The following CD58 variants were observed in gnomAD, a reference collection of about 807,000 sequenced individuals.
The protein encoded by CD58 is CD58 molecule, also known as lymphocyte function-associated antigen 3.
Under a neutral mutation model 27.6 loss-of-function variants are expected in CD58, and 14 were observed. That is an observed-to-expected ratio of 0.51 (90% CI 0.34 to 0.79). The LOEUF (loss-of-function observed/expected upper bound fraction) is 0.79. Among genes scored for constraint, CD58 ranks in the 30% least tolerant of loss-of-function variants. The probability of loss-of-function intolerance (pLI) is 0.02; values close to 1 mark genes in which losing one functional copy is unlikely to be tolerated. For missense variants in CD58, 268 were observed against 301.7 expected, an observed-to-expected ratio of 0.89 and a Z score of 0.83; for synonymous variants, 117 against 103.8, an observed-to-expected ratio of 1.13 and a Z score of -0.77.
At chr1:116,551,738 CT>C (rs1298283594) in intron 1 of CD58, among the ~76,000 whole-genome samples, 253 of 129,714 alleles carry the variant, frequency 2.0e-3, no homozygotes, top group Middle Eastern at 0.016. Context: ...TTCTTTCTTT[CT>C]TTTTTTTTTT....
intron 1 of CD58, among the ~76,000 whole-genome samples, chr1:116,551,651 T>C (rs904767397): frequency 2.6e-5 from 4 of 152,194 alleles, no homozygotes; most frequent in Non-Finnish European, 5.9e-5. Context: ...CTTCAAGAAC[T>C]TTTCCTTTGA....
chr1:116,556,115 C>T (rs915477438), intron 1 of CD58, among the ~76,000 whole-genome samples: 1 of 151,844 alleles, frequency 6.6e-6, no homozygotes, highest in African/African-American at 2.4e-5. Context: ...ATTAGCTGGG[C>T]GTGGTGGCAC....
intron 2 of CD58, among the ~76,000 whole-genome samples, chr1:116,542,271 C>A (rs189011396): frequency 6.6e-6 from 1 of 152,232 alleles, no homozygotes; most frequent in Non-Finnish European, 1.5e-5. Flanking sequence ...AGGGCGAAAC[C>A]CCCTCTCAAG....
intron 2 of CD58, among the ~76,000 whole-genome samples, chr1:116,540,183 C>A (rs1428386301): frequency 1.3e-5 from 2 of 152,088 alleles, no homozygotes; most frequent in African/African-American, 4.8e-5. Context: ...TCTCAATGTA[C>A]ACACAGAAGG....
intron 3 of CD58, among the ~76,000 whole-genome samples, chr1:116,535,357 CAAACAACTTA>C (rs1657759487): frequency 1.3e-5 from 2 of 152,176 alleles, no homozygotes; most frequent in African/African-American, 4.8e-5. Flanking sequence ...TTACCTTGAG[CAAACAACTTA>C]AACTCTCTCT....
chr1:116,570,955 G>A lies in CD58; in HGVS notation c.18C>T (p.Asp6=). 6.4e-7 allele frequency: 1 copy of A among 1,562,540 alleles called. No homozygotes were observed. The highest frequency in any genetic ancestry group is 8.6e-7 in the Non-Finnish European group (1 of 1,160,854). MVAGS[D]AGRALGVLSV... Reference sequence around the variant, plus strand: ...TGAGGACCCCCAGGGCCCGCCCCGCGTCGCTCCCAGCAACCATGGCTCGTC... The same window carrying A: ...TGAGGACCCCCAGGGCCCGCCCCGCATCGCTCCCAGCAACCATGGCTCGTC... The change falls in exon 1 of 6, where the codon GAC becomes GAT. Residue 6 remains aspartate, a synonymous_variant. Transcript: ENST00000369489. This position sits in a 1 kb window ranked among gnomAD's most constrained non-coding sequence, Gnocchi z 6.4.
chr1:116,519,327 A>T lies in CD58; in HGVS notation c.707-60T>A. 1 of 1,504,610 alleles carries T rather than the reference A, an allele frequency of 6.6e-7. No homozygotes were observed. Among genetic ancestry groups the T allele is most frequent in the Non-Finnish European group, 9.2e-7 (1 of 1,092,026 alleles). 93.2% of individuals were successfully genotyped at this position (1,504,610 alleles called of 1,614,324 possible). On this transcript the variant is annotated intron_variant, in intron 4 of 5. Transcript: ENST00000369489. The surrounding 1 kb of genome is among the most constrained non-coding windows in gnomAD (Gnocchi z 4.7). Reference sequence around the variant, plus strand: ...ACTGAAAAGAAAAGGTGAAATGTGGAGTTACTGACTGCCTATTAGAGGCCT... The same window carrying T: ...ACTGAAAAGAAAAGGTGAAATGTGGTGTTACTGACTGCCTATTAGAGGCCT...
At chr1:116,525,949 C>G (rs1457996403) in intron 3 of CD58, among the ~76,000 whole-genome samples, 1 of 152,192 alleles carries the variant, frequency 6.6e-6, no homozygotes, top group South Asian at 2.1e-4. Flanking sequence ...CCGCACCCGG[C>G]CCAGGAGTAT....
intron 1 of CD58, among the ~76,000 whole-genome samples, chr1:116,554,085 A>C (rs1658482266): frequency 6.6e-6 from 1 of 152,250 alleles, no homozygotes; most frequent in African/African-American, 2.4e-5. Context: ...ATGCTCTAAA[A>C]GAACCTGTAG....
chr1:116,515,947 T>C lies in CD58; in HGVS notation c.744-1125A>G, dbSNP rs555738491. Reference sequence around the variant, plus strand: ...CTTCCTGCTCCTGCCCTCGCGCAGCTGGGGAAATATTGCATTTGTTCCTAC... The same window carrying C: ...CTTCCTGCTCCTGCCCTCGCGCAGCCGGGGAAATATTGCATTTGTTCCTAC... On this transcript the variant is annotated intron_variant, in intron 5 of 5. Transcript: ENST00000369489. This position sits in a 1 kb window ranked among gnomAD's most constrained non-coding sequence, Gnocchi z 4.6. Among the ~76,000 whole-genome samples the C allele has an allele frequency of 5.3e-5, 8 of 152,294 alleles. No individual in the cohort carries two copies. The South Asian group carries it at 1.7e-3, about 32-fold the overall frequency.
chr1:116,519,039 A>C lies in CD58; in HGVS notation c.743+192T>G. ...GAGGGTTCCAGGAAACGATATGCAG[A>C]GAGTGGCTAGTGCAGTGCATGGCAC... On this transcript the variant is annotated intron_variant, in intron 5 of 5. Coordinates refer to ENST00000369489, the MANE Select transcript of CD58 (RefSeq NM_001779.3). This position sits in a 1 kb window ranked among gnomAD's most constrained non-coding sequence, Gnocchi z 4.7. 1 of 1,257,168 alleles carries C rather than the reference A, an allele frequency of 8.0e-7. No individual in the cohort carries two copies. The allele number at this position is 1,257,168 out of a possible 1,614,324, so 77.9% of individuals were successfully genotyped here. A position where few individuals can be genotyped will look rare whatever the true frequency, so the allele number is the denominator to read the frequency against.
In CD58 at chr1:116,557,847, T is replaced by C. The variant is rs1205916801; in HGVS notation, c.70+13056A>G. Reference sequence around the variant, plus strand: ...TGCCACCACGCCCAGCTAATTTTTATATTTTTTGTAGAAACAAGGTCTCAC... The same window carrying C: ...TGCCACCACGCCCAGCTAATTTTTACATTTTTTGTAGAAACAAGGTCTCAC... On this transcript the variant is annotated intron_variant, in intron 1 of 5. Transcript: ENST00000369489. This position sits in a 1 kb window ranked among gnomAD's most constrained non-coding sequence, Gnocchi z 5.2. Among the ~76,000 whole-genome samples the C allele has an allele frequency of 6.6e-6, 1 of 151,940 alleles. No individual in the cohort carries two copies. The highest frequency in any genetic ancestry group is 1.5e-5 in the Non-Finnish European group (1 of 67,988).
chr1:116,565,592 G>A (rs988896502), intron 1 of CD58, among the ~76,000 whole-genome samples: 6 of 151,470 alleles, frequency 4.0e-5, no homozygotes, highest in African/African-American at 1.5e-4. Flanking sequence ...GATAGGGAAT[G>A]ATTTTCCAGA....
chr1:116,528,916 C>T lies in CD58; in HGVS notation c.629-6933G>A, dbSNP rs1657508351. Among the ~76,000 whole-genome samples the T allele has an allele frequency of 6.6e-6, 1 of 152,200 alleles. No individual in the cohort carries two copies. On this transcript the variant is annotated intron_variant, in intron 3 of 5. Coordinates refer to ENST00000369489, the MANE Select transcript of CD58 (RefSeq NM_001779.3). This position sits in a 1 kb window ranked among gnomAD's most constrained non-coding sequence, Gnocchi z 4.4. ...AAATCCACAACCTCTTCTACATTGT[C>T]CTCCTTAAACCATTGGCTGTATATA...
chr1:116,568,392 A>G (rs79975602), intron 1 of CD58, among the ~76,000 whole-genome samples: 5,090 of 152,308 alleles, frequency 0.033, 270 homozygotes, highest in African/African-American at 0.12. Flanking sequence ...TGTTCACTGT[A>G]CTAATTTTGC....
rs1167382429 is a variant in CD58, at chr1:116,570,029, A to AACGG, written c.70+870_70+873dup. On this transcript the variant is annotated intron_variant, in intron 1 of 5. Coordinates refer to ENST00000369489, the MANE Select transcript of CD58 (RefSeq NM_001779.3). This position sits in a 1 kb window ranked among gnomAD's most constrained non-coding sequence, Gnocchi z 6.4. ...CCGGGCAGGCAGCGGACGCTGAGCAAACGGACGGACGGGCTGGAGGGCTGG... is the reference window on the plus strand; with the variant it reads ...CCGGGCAGGCAGCGGACGCTGAGCAAACGGACGGACGGACGGGCTGGAGGGCTGG... Among the ~76,000 whole-genome samples, 1 of 152,202 alleles carries AACGG rather than the reference A, an allele frequency of 6.6e-6. No individual in the cohort carries two copies. Among genetic ancestry groups the AACGG allele is most frequent in the Non-Finnish European group, 1.5e-5 (1 of 68,028 alleles).
chr1:116,535,219 A>G (rs779550226), intron 3 of CD58, among the ~76,000 whole-genome samples: 7 of 152,240 alleles, frequency 4.6e-5, no homozygotes, highest in African/African-American at 7.2e-5. Flanking sequence ...CCTGTAGTAG[A>G]TATGTAACCT....
Position 116,515,750 on chromosome 1 carries a change from T to C in CD58, c.744-928A>G, listed in dbSNP as rs943707836. The stretch of plus-strand genomic sequence containing the variant: ...AGAAATAGGACTCCCTGCTTCCTTT[T>C]TAATTTGGCTAACTTTGTGATCTGT... On this transcript the variant is annotated intron_variant, in intron 5 of 5. Transcript: ENST00000369489. The surrounding 1 kb of genome is among the most constrained non-coding windows in gnomAD (Gnocchi z 4.6). Among the ~76,000 whole-genome samples, 2 of 152,166 alleles carry C rather than the reference T, an allele frequency of 1.3e-5. No individual in the cohort carries two copies. Among genetic ancestry groups the C allele is most frequent in the African/African-American group, 4.8e-5 (2 of 41,420 alleles).
At chr1:116,530,644 C>T (rs2101167304) in intron 3 of CD58, among the ~76,000 whole-genome samples, 1 of 152,130 alleles carries the variant, frequency 6.6e-6, no homozygotes, top group African/African-American at 2.4e-5. Flanking sequence ...GTTTGCTTCA[C>T]TGATAAAGCA....
Sources: allele counts gnomAD v4.1 joint callset (sites outside exome capture counted in the v4.1 genomes callset), GRCh38; gene constraint gnomAD v4.1.1; non-coding constraint Gnocchi (gnomAD v3.1); transcripts MANE v1.5; gene names NCBI Gene and HGNC (gene_info 2026-07-23, HGNC 2026-07-21).